The following DTD1 variants were observed in gnomAD, a reference collection of about 807,000 sequenced individuals.
DTD1 encodes the protein D-tyrosyl-tRNA deacylase 1 homolog.
In DTD1, 13 loss-of-function variants were observed where a neutral mutation model predicts 25.6. The ratio of observed to expected loss-of-function variants is 0.51; its 90% CI spans 0.33 to 0.81. DTD1 has a LOEUF of 0.81. Ranked by LOEUF, DTD1 falls within the 30% of genes least tolerant of loss-of-function variation. DTD1 has a pLI of 0.02. For synonymous variants in DTD1, 110 were observed against 103.6 expected, an observed-to-expected ratio of 1.06 and a Z score of -0.37; for missense variants, 193 against 266.4, an observed-to-expected ratio of 0.72 and a Z score of 1.92.
chr20:18,730,893 A>G (rs1339645451), intron 4 of DTD1, among the ~76,000 whole-genome samples: 1 of 152,038 alleles, frequency 6.6e-6, no homozygotes, highest in Non-Finnish European at 1.5e-5. Context: ...ACCATCTTTT[A>G]CTCTCAGACT....
chr20:18,687,486 G>T (rs2061021582), intron 4 of DTD1, among the ~76,000 whole-genome samples: 2 of 152,198 alleles, frequency 1.3e-5, no homozygotes, highest in African/African-American at 2.4e-5. Context: ...TTAGTGAACT[G>T]TAGGAAGTAA....
intron 4 of DTD1, among the ~76,000 whole-genome samples, chr20:18,733,810 A>G (rs543024572): frequency 1.3e-5 from 2 of 152,330 alleles, no homozygotes; most frequent in Admixed American, 6.5e-5. Flanking sequence ...AGAGTTAATA[A>G]TGTATGAAAA....
At chr20:18,696,678 C>G (rs1467011474) in intron 4 of DTD1, among the ~76,000 whole-genome samples, 1 of 151,984 alleles carries the variant, frequency 6.6e-6, no homozygotes, top group African/African-American at 2.4e-5. Context: ...CCTCAGCCTC[C>G]CAAGTAGCTG....
chr20:18,606,307 G>T (rs1204297932), intron 3 of DTD1, among the ~76,000 whole-genome samples: 1 of 131,390 alleles, frequency 7.6e-6, no homozygotes, highest in African/African-American at 2.8e-5. Flanking sequence ...TGGAGAAATA[G>T]GAACACTTTT....
At chr20:18,607,071 G>A (rs539133564) in intron 3 of DTD1, among the ~76,000 whole-genome samples, 2 of 152,276 alleles carry the variant, frequency 1.3e-5, no homozygotes, top group South Asian at 4.1e-4. Flanking sequence ...TTTTTGAGTT[G>A]AACCAGCTTT....
In DTD1 at chr20:18,641,521, TTGTGTGTG is replaced by T. The variant is rs762686834; in HGVS notation, c.477+13302_477+13309del. Among the ~76,000 whole-genome samples the T allele has an allele frequency of 1.3e-4, 19 of 149,676 alleles. No individual in the cohort carries two copies. The East Asian group carries it at 2.5e-3, about 20-fold the overall frequency. On this transcript the variant is annotated intron_variant, in intron 4 of 5. Transcript: ENST00000377452. ...AACATTTGCTGTTTTGTATGTGTGT[TTGTGTGTG>T]TGTGTGTGTGTGTTTTCTGATACTG...
intron 1 of DTD1, among the ~76,000 whole-genome samples, chr20:18,590,328 C>T (rs1403308829): frequency 6.6e-6 from 1 of 152,090 alleles, no homozygotes; most frequent in Admixed American, 6.6e-5. Context: ...AGGCGTGTGC[C>T]GCCACCGCTA....
At chr20:18,591,417 A>G (rs912727455) in intron 1 of DTD1, among the ~76,000 whole-genome samples, 1 of 152,208 alleles carries the variant, frequency 6.6e-6, no homozygotes, top group African/African-American at 2.4e-5. Flanking sequence ...GCAAGATGGA[A>G]TGGTTAATCA....
chr20:18,621,305 A>G (rs978707130), intron 3 of DTD1, among the ~76,000 whole-genome samples: 4 of 152,232 alleles, frequency 2.6e-5, no homozygotes, highest in Non-Finnish European at 4.4e-5. Flanking sequence ...CAGGAACACT[A>G]CAAAAGTGAT....
chr20:18,658,748 G>C (rs1310125633), intron 4 of DTD1, among the ~76,000 whole-genome samples: 1 of 152,198 alleles, frequency 6.6e-6, no homozygotes, highest in Non-Finnish European at 1.5e-5. Flanking sequence ...GTTTCACAGA[G>C]TCAGTCTTTA....
intron 3 of DTD1, among the ~76,000 whole-genome samples, chr20:18,618,087 C>T (rs2060716484): frequency 6.6e-6 from 1 of 152,124 alleles, no homozygotes; most frequent in Non-Finnish European, 1.5e-5. Flanking sequence ...CGGGAGATAC[C>T]TGTTGGAGAA....
chr20:18,613,715 G>A (rs1056756306), intron 3 of DTD1, among the ~76,000 whole-genome samples: 4 of 152,172 alleles, frequency 2.6e-5, no homozygotes, highest in African/African-American at 4.8e-5. Flanking sequence ...ATACTTTGAG[G>A]GAGTGTTAGG....
At position 18,596,161 on chromosome 20, in the gene DTD1, T is replaced by G; in HGVS notation, c.290T>G (p.Met97Arg). Residue 97 changes from methionine to arginine, a missense_variant, in exon 3 of 6, where the codon ATG (methionine) becomes AGG (arginine). Coordinates refer to ENST00000377452, the MANE Select transcript of DTD1 (RefSeq NM_080820.6). ...KGNKPDFHLA[M>R]PTEQAEGFYN... ...AACAAGCCTGATTTCCACCTAGCAA[T>G]GCCCACGGAGCAGGCAGAGGGCTTC... 2 of 1,614,152 alleles carry G rather than the reference T, an allele frequency of 1.2e-6. No individual in the cohort carries two copies. Among genetic ancestry groups the G allele is most frequent in the Non-Finnish European group, 1.7e-6 (2 of 1,180,024 alleles).
chr20:18,622,110 A>C (rs1457184930), intron 3 of DTD1, among the ~76,000 whole-genome samples: 3 of 152,182 alleles, frequency 2.0e-5, no homozygotes, highest in Non-Finnish European at 2.9e-5. Flanking sequence ...ATACATGTGC[A>C]GAACGTGCAG....
intron 4 of DTD1, among the ~76,000 whole-genome samples, chr20:18,742,681 G>A (rs1568687121): frequency 1.3e-5 from 2 of 151,986 alleles, no homozygotes; most frequent in Non-Finnish European, 2.9e-5. Flanking sequence ...CTATAAAACC[G>A]GTCCCTGGTG....
At chr20:18,623,839 T>C (rs1009483119) in intron 3 of DTD1, among the ~76,000 whole-genome samples, 22 of 150,934 alleles carry the variant, frequency 1.5e-4, no homozygotes, top group African/African-American at 5.1e-4. Flanking sequence ...CAGGGATCAC[T>C]TTCTCTTACT....
At chr20:18,599,511 A>G (rs1272030519) in intron 3 of DTD1, among the ~76,000 whole-genome samples, 1 of 152,184 alleles carries the variant, frequency 6.6e-6, no homozygotes, top group Non-Finnish European at 1.5e-5. Flanking sequence ...GTATGTATAT[A>G]AGTTTTCAGC....
chr20:18,736,960 G>A (rs920987953), intron 4 of DTD1, among the ~76,000 whole-genome samples: 2 of 152,168 alleles, frequency 1.3e-5, no homozygotes, highest in African/African-American at 2.4e-5. Context: ...TGGGTGGCTC[G>A]GGCTCCTGCC....
intron 4 of DTD1, among the ~76,000 whole-genome samples, chr20:18,639,242 T>C (rs920466857): frequency 2.7e-5 from 4 of 149,710 alleles, no homozygotes; most frequent in African/African-American, 9.9e-5. Context: ...CTGGTCAACA[T>C]GAAGCCAAGT....
Sources: allele counts gnomAD v4.1 joint callset (sites outside exome capture counted in the v4.1 genomes callset), GRCh38; gene constraint gnomAD v4.1.1; transcripts MANE v1.5; gene names NCBI Gene and HGNC (gene_info 2026-07-23, HGNC 2026-07-21).